Variants in COL25A1 observed in about 807,000 individuals in gnomAD.
The protein encoded by COL25A1 is collagen alpha-1(XXV) chain.
In COL25A1, 103 loss-of-function variants were observed where a neutral mutation model predicts 128.4. That is an observed-to-expected ratio of 0.80 (90% CI 0.68 to 0.94). COL25A1 has a LOEUF of 0.94. Among genes scored for constraint, COL25A1 ranks in the 40% least tolerant of loss-of-function variants. COL25A1 has a pLI of 0.00. For synonymous variants in COL25A1, 279 were observed against 277.2 expected, an observed-to-expected ratio of 1.01 and a Z score of -0.06; for missense variants, 745 against 840.0, an observed-to-expected ratio of 0.89 and a Z score of 1.40.
intron 3 of COL25A1, among the ~76,000 whole-genome samples, chr4:109,159,246 A>T (rs780926924): frequency 1.3e-5 from 2 of 151,776 alleles, no homozygotes; most frequent in Non-Finnish European, 2.9e-5. Flanking sequence ...GCTCCAGTAC[A>T]AGGCTTTAAT....
rs1553955583 is a variant in COL25A1 at position 108,868,548 on chromosome 4, A to AAAGAAAG, written c.1083+533_1083+539dup. Among the ~76,000 whole-genome samples, 45 of 140,174 alleles carry AAAGAAAG rather than the reference A, an allele frequency of 3.2e-4. 1 individual carries two copies. The highest frequency in any genetic ancestry group is 9.5e-4 in the African/African-American group (35 of 36,694). 92.0% of individuals were successfully genotyped at this position (140,174 alleles called of 152,430 possible). A position where few individuals can be genotyped will look rare whatever the true frequency, so the allele number is the denominator to read the frequency against. On this transcript the variant is annotated intron_variant, in intron 20 of 37. Transcript: ENST00000399132. ...GAAGAAAAGAAAGAAAGAAAAGAAA[A>AAAGAAAG]AAGAAAGAAAGAAAGAGAAAGAGAG... is the stretch of plus-strand genomic sequence containing the variant.
At chr4:108,919,297 G>A (rs372944201) in intron 12 of COL25A1, among the ~76,000 whole-genome samples, 39 of 152,244 alleles carry the variant, frequency 2.6e-4, no homozygotes, top group African/African-American at 9.1e-4. Flanking sequence ...TATTGAATGG[G>A]TCATTAAAGG....
At chr4:109,265,562 T>C (rs1038058199) in intron 3 of COL25A1, among the ~76,000 whole-genome samples, 14 of 144,068 alleles carry the variant, frequency 9.7e-5, no homozygotes, top group African/African-American at 3.3e-4. Context: ...TGTGTGTGTG[T>C]GTGTGTTAAA....
chr4:108,976,060 A>G (rs1419426428), intron 6 of COL25A1, among the ~76,000 whole-genome samples: 1 of 152,154 alleles, frequency 6.6e-6, no homozygotes, highest in Non-Finnish European at 1.5e-5. Context: ...AATTTTAATA[A>G]AACTCAATTT....
At chr4:108,829,131 A>G (rs1360557392) in intron 32 of COL25A1, among the ~76,000 whole-genome samples, 1 of 152,196 alleles carries the variant, frequency 6.6e-6, no homozygotes, top group Non-Finnish European at 1.5e-5. Context: ...TTAAGAAGGG[A>G]ATTTCCTTAA....
chr4:109,245,856 C>T (rs1780221726), intron 3 of COL25A1, among the ~76,000 whole-genome samples: 1 of 152,062 alleles, frequency 6.6e-6, no homozygotes, highest in South Asian at 2.1e-4. Context: ...GGCAAGTTCA[C>T]ACCACATGAT....
At chr4:109,195,767 A>G (rs1775989506) in intron 3 of COL25A1, among the ~76,000 whole-genome samples, 1 of 152,228 alleles carries the variant, frequency 6.6e-6, no homozygotes, top group Non-Finnish European at 1.5e-5. Context: ...GATATTTTCA[A>G]ACCCACATGC....
chr4:109,298,094 A>G (rs974390419), intron 3 of COL25A1, among the ~76,000 whole-genome samples: 2 of 151,826 alleles, frequency 1.3e-5, no homozygotes, highest in African/African-American at 4.8e-5. Context: ...TAAGTTAATC[A>G]TCTTCTCTGA....
intron 6 of COL25A1, among the ~76,000 whole-genome samples, chr4:108,986,842 GCCTCTATCAGT>G (rs1235042418): frequency 6.6e-6 from 1 of 152,112 alleles, no homozygotes; most frequent in Non-Finnish European, 1.5e-5. Flanking sequence ...GTTTTCCAAA[GCCTCTATCAGT>G]TAGAGATTCA....
chr4:109,139,915 C>T lies in COL25A1; in HGVS notation c.368-89736G>A, dbSNP rs1770222111. ...TTCAATTCCCACCTATGAGTGAGAACATATGGTGTTTGGTTTTTTGTCCTT... is the reference window on the plus strand; with the variant it reads ...TTCAATTCCCACCTATGAGTGAGAATATATGGTGTTTGGTTTTTTGTCCTT... On this transcript the variant is annotated intron_variant, in intron 3 of 37. Transcript: ENST00000399132. 2.0e-5 allele frequency among the ~76,000 whole-genome samples: 3 copies of T among 148,030 alleles called. No homozygotes were observed. The South Asian group carries it at 6.5e-4, about 32-fold the overall frequency.
At position 109,295,174 on chromosome 4, in the gene COL25A1, G is replaced by A. The variant is rs117854844; in HGVS notation, c.367+5409C>T. On this transcript the variant is annotated intron_variant, in intron 3 of 37. Transcript: ENST00000399132. ...TTATTAAGGTAAGAAAGAGAAAAGA[G>A]TAGTTTAAGAATTAGCTTCTTAAAA... Among the ~76,000 whole-genome samples the A allele has an allele frequency of 5.1e-4, 78 of 152,200 alleles. 1 individual carries two copies. In the East Asian group the frequency reaches 0.014, roughly 27 times the overall value.
rs560198540 is a variant in COL25A1 at position 108,861,163 on chromosome 4, T to C, written c.1198-192A>G. On this transcript the variant is annotated intron_variant, in intron 22 of 37. Transcript: ENST00000399132. Reference sequence around the variant, plus strand: ...TGAAAAGAACTAAAATTCCTTTTTTTAAAAAACTCCCTTTTCAGGTAATAG... The same window carrying C: ...TGAAAAGAACTAAAATTCCTTTTTTCAAAAAACTCCCTTTTCAGGTAATAG... Among the ~76,000 whole-genome samples the C allele has an allele frequency of 5.0e-4, 76 of 152,282 alleles. 1 individual carries two copies. The South Asian group carries it at 0.015, about 31-fold the overall frequency.
intron 3 of COL25A1, among the ~76,000 whole-genome samples, chr4:109,198,174 G>A (rs912784730): frequency 6.6e-6 from 1 of 151,824 alleles, no homozygotes; most frequent in African/African-American, 2.4e-5. Flanking sequence ...CTTCTTTCGT[G>A]GACTTGTTAA....
At chr4:108,874,212 A>G (rs1006630880) in intron 19 of COL25A1, among the ~76,000 whole-genome samples, 2 of 152,218 alleles carry the variant, frequency 1.3e-5, no homozygotes, top group Non-Finnish European at 2.9e-5. Flanking sequence ...ATCAGACTTC[A>G]TAAAAATGAG....
chr4:109,300,455 T>C, intron 3 of COL25A1, 128 bp downstream of exon 3: 1 of 643,322 alleles, frequency 1.6e-6, no homozygotes, highest in South Asian at 2.0e-5. Flanking sequence ...GACATGTTGA[T>C]TTTATTAAAG....
At chr4:108,886,034 T>C (rs374096066) in intron 18 of COL25A1, among the ~76,000 whole-genome samples, 18 of 152,370 alleles carry the variant, frequency 1.2e-4, no homozygotes, top group African/African-American at 4.3e-4. Context: ...TATTTTATAA[T>C]GTAGATTGAC....
intron 16 of COL25A1, among the ~76,000 whole-genome samples, chr4:108,892,931 C>G (rs1299019753): frequency 2.0e-5 from 3 of 152,056 alleles, no homozygotes; most frequent in Non-Finnish European, 2.9e-5. Flanking sequence ...GGGCGGAGGA[C>G]AGACAGCAAC....
chr4:109,045,259 T>C (rs367633540), intron 5 of COL25A1, among the ~76,000 whole-genome samples: 21 of 152,208 alleles, frequency 1.4e-4, no homozygotes, highest in African/African-American at 5.1e-4. Context: ...GGTAGTAACG[T>C]TTTTGGGGAG....
chr4:109,243,975 T>C (rs930976388), intron 3 of COL25A1, among the ~76,000 whole-genome samples: 2 of 152,052 alleles, frequency 1.3e-5, no homozygotes, highest in African/African-American at 4.8e-5. Context: ...CCATTAAAGA[T>C]TAAAACAGTC....
Sources: allele counts gnomAD v4.1 joint callset (sites outside exome capture counted in the v4.1 genomes callset), GRCh38; gene constraint gnomAD v4.1.1; transcripts MANE v1.5; gene names NCBI Gene and HGNC (gene_info 2026-07-23, HGNC 2026-07-21).